The following CCNYL1 variants were observed in gnomAD, a reference collection of about 807,000 sequenced individuals.
The protein encoded by CCNYL1 is cyclin Y like 1.
Under a neutral mutation model 44.2 loss-of-function variants are expected in CCNYL1, and 16 were observed. That is an observed-to-expected ratio of 0.36 (90% CI 0.25 to 0.55). The LOEUF is 0.55. Among genes scored for constraint, CCNYL1 ranks in the 20% least tolerant of loss-of-function variants. The probability of loss-of-function intolerance (pLI) is 0.85; values close to 1 mark genes in which losing one functional copy is unlikely to be tolerated. For synonymous variants in CCNYL1, 159 were observed against 163.2 expected (o/e 0.97, Z 0.20); for missense variants, 348 against 451.8 (o/e 0.77, Z 2.08).
intron 3 of CCNYL1, among the ~76,000 whole-genome samples, chr2:207,728,611 G>T (rs2091698349): frequency 6.6e-6 from 1 of 152,004 alleles, no homozygotes; most frequent in African/African-American, 2.4e-5. Context: ...AAAATGCTAG[G>T]TTCACTCTAA....
chr2:207,747,246 C>G lies in CCNYL1; in HGVS notation c.806+33C>G, dbSNP rs757975174. Reference sequence around the variant, plus strand: ...TGTAAGGTTTTGGTGAACTTTCTAACCATTTTCCAGTATCTTATTCCTATA... The same window carrying G: ...TGTAAGGTTTTGGTGAACTTTCTAAGCATTTTCCAGTATCTTATTCCTATA... On this transcript the variant is annotated intron_variant, in intron 8 of 9. Transcript: ENST00000295414. 7 of 1,575,186 alleles carry G rather than the reference C, an allele frequency of 4.4e-6. No homozygotes were observed. In the African/African-American group the frequency reaches 9.5e-5, roughly 21 times the overall value.
At chr2:207,717,798 T>C (rs182501807) in intron 1 of CCNYL1, among the ~76,000 whole-genome samples, 1 of 152,188 alleles carries the variant, frequency 6.6e-6, no homozygotes, top group African/African-American at 2.4e-5. Context: ...ATGCCAGGAC[T>C]ATGGTGGGTT....
At chr2:207,747,313 C>A in intron 8 of CCNYL1, 100 bp downstream of exon 8, 2 of 1,021,266 alleles carry the variant, frequency 2.0e-6, no homozygotes, top group Non-Finnish European at 2.8e-6. Context: ...TTACATTATG[C>A]AGATAATGGA....
At chr2:207,736,713 C>G (rs1007033898) in intron 4 of CCNYL1, among the ~76,000 whole-genome samples, 1 of 152,010 alleles carries the variant, frequency 6.6e-6, no homozygotes, top group Admixed American at 6.6e-5. Flanking sequence ...ATTAAATCAA[C>G]TGAAATGCAG....
rs1239759849 is a variant in CCNYL1, at chr2:207,755,837, G to A, written c.*2139G>A. ...AAGAGGTTAGTGTTCTCAACTATGTGAAATCTGTTTCTCCTACTTTCTCAA... is the reference window on the plus strand; with the variant it reads ...AAGAGGTTAGTGTTCTCAACTATGTAAAATCTGTTTCTCCTACTTTCTCAA... On this transcript the variant is annotated 3_prime_UTR_variant, in exon 10 of 10. Transcript: ENST00000295414. 2.0e-5 allele frequency: 3 copies of A among 152,172 alleles called. No homozygotes were observed. Among genetic ancestry groups the A allele is most frequent in the Non-Finnish European group, 2.9e-5 (2 of 68,026 alleles). 9.4% of individuals were successfully genotyped at this position (152,172 alleles called of 1,614,324 possible).
At chr2:207,722,734 G>A (rs1320086221) in intron 1 of CCNYL1, among the ~76,000 whole-genome samples, 2 of 152,074 alleles carry the variant, frequency 1.3e-5, no homozygotes, top group Non-Finnish European at 2.9e-5. Context: ...GCCGAGGGGG[G>A]CAGATCACAA....
In CCNYL1 at chr2:207,740,700, A is replaced by G. The variant is rs2091802341; in HGVS notation, c.513A>G (p.Pro171=). Reference sequence around the variant, plus strand: ...ATATTTTTGATGAGAGATCACATCCACTTACAGTAAGTGTCACTTTTTTTG... The same window carrying G: ...ATATTTTTGATGAGAGATCACATCCGCTTACAGTAAGTGTCACTTTTTTTG... ...SLDIFDERSH[P]LTREKVPEEY... Residue 171 remains proline, a synonymous_variant, in exon 6 of 10, where the codon CCA becomes CCG. Coordinates refer to ENST00000295414, the MANE Select transcript of CCNYL1 (RefSeq NM_001330218.2). The G allele has an allele frequency of 6.2e-7, 1 of 1,600,336 alleles. No individual in the cohort carries two copies. Among genetic ancestry groups the G allele is most frequent in the Non-Finnish European group, 8.6e-7 (1 of 1,168,468 alleles).
At position 207,747,124 on chromosome 2, in the gene CCNYL1, C is replaced by A; in HGVS notation, c.717C>A (p.Ala239=). Reference sequence around the variant, plus strand: ...ACTGGAAAAGGATTGTTCTGGGAGCCATTCTTCTTGCCTCCAAGGTTTGGG... The same window carrying A: ...ACTGGAAAAGGATTGTTCTGGGAGCAATTCTTCTTGCCTCCAAGGTTTGGG... The part of the protein sequence containing the change: ...PTNWKRIVLG[A]ILLASKVWDD... The change falls in exon 8 of 10, where the codon GCC becomes GCA. Residue 239 remains alanine (A), a synonymous_variant. Coordinates refer to ENST00000295414, the MANE Select transcript of CCNYL1 (RefSeq NM_001330218.2). The A allele has an allele frequency of 6.2e-7, 1 of 1,614,112 alleles. No homozygotes were observed. The highest frequency in any genetic ancestry group is 1.1e-5 in the South Asian group (1 of 91,086).
At chr2:207,739,386 C>T (rs549956152) in intron 5 of CCNYL1, among the ~76,000 whole-genome samples, 2 of 152,282 alleles carry the variant, frequency 1.3e-5, no homozygotes, top group East Asian at 3.9e-4. Flanking sequence ...GCGCCTGTCA[C>T]CATGCCTGGC....
chr2:207,742,565 G>A (rs1340334984), intron 7 of CCNYL1, among the ~76,000 whole-genome samples: 1 of 152,110 alleles, frequency 6.6e-6, no homozygotes, highest in Non-Finnish European at 1.5e-5. Context: ...AAAGGCAGCC[G>A]GGGAGATTTC....
intron 3 of CCNYL1, among the ~76,000 whole-genome samples, chr2:207,732,190 A>G (rs929418911): frequency 1.3e-5 from 2 of 152,244 alleles, no homozygotes; most frequent in African/African-American, 4.8e-5. Context: ...AGACAATAAA[A>G]GTATATACAT....
intron 8 of CCNYL1, among the ~76,000 whole-genome samples, chr2:207,749,108 A>T (rs890816622): frequency 1.3e-5 from 2 of 152,172 alleles, no homozygotes; most frequent in Non-Finnish European, 2.9e-5. Context: ...GTTTCTACAG[A>T]TGTAAGCTTC....
chr2:207,737,910 C>G lies in CCNYL1; in HGVS notation c.467+464C>G, dbSNP rs372543011. On this transcript the variant is annotated intron_variant, in intron 5 of 9. Coordinates refer to ENST00000295414, the MANE Select transcript of CCNYL1 (RefSeq NM_001330218.2). Reference sequence around the variant, plus strand: ...GAAAAATAACTCTCTTCTACAACAACGAAGTTGAGTAAAATGTGTCATGTA... The same window carrying G: ...GAAAAATAACTCTCTTCTACAACAAGGAAGTTGAGTAAAATGTGTCATGTA... Among the ~76,000 whole-genome samples the G allele has an allele frequency of 6.6e-4, 101 of 152,068 alleles. 2 individuals carry two copies. In the South Asian group the frequency reaches 0.021, roughly 31 times the overall value.
intron 1 of CCNYL1, among the ~76,000 whole-genome samples, chr2:207,721,743 T>G (rs2091641911): frequency 1.3e-5 from 2 of 151,966 alleles, no homozygotes; most frequent in Non-Finnish European, 2.9e-5. Flanking sequence ...TGTTTTTTTT[T>G]TTTTTGTTTT....
Position 207,755,856 on chromosome 2 carries a change from T to C in CCNYL1, c.*2158T>C, listed in dbSNP as rs1256883904. The stretch of plus-strand genomic sequence containing the variant: ...CTATGTGAAATCTGTTTCTCCTACT[T>C]TCTCAAATCTAATCCTAGGAATCTT... On this transcript the variant is annotated 3_prime_UTR_variant, in exon 10 of 10. Transcript: ENST00000295414. The C allele has an allele frequency of 6.6e-6, 1 of 152,236 alleles. No homozygotes were observed. The highest frequency in any genetic ancestry group is 2.4e-5 in the African/African-American group (1 of 41,466). The allele number at this position is 152,236 out of a possible 1,614,324, so 9.4% of individuals were successfully genotyped here.
intron 1 of CCNYL1, among the ~76,000 whole-genome samples, chr2:207,721,265 A>G (rs1023680556): frequency 7.2e-5 from 11 of 152,072 alleles, no homozygotes; most frequent in Non-Finnish European, 1.5e-4. Context: ...GTTGAACTCA[A>G]TCTCTTTCTC....
chr2:207,745,307 A>G (rs2091846850), intron 7 of CCNYL1, among the ~76,000 whole-genome samples: 1 of 152,196 alleles, frequency 6.6e-6, no homozygotes, highest in African/African-American at 2.4e-5. Context: ...GAGGGGATCA[A>G]CTGCACTGAT....
intron 3 of CCNYL1, among the ~76,000 whole-genome samples, chr2:207,730,585 C>G (rs1471431798): frequency 6.6e-6 from 1 of 151,932 alleles, no homozygotes; most frequent in Non-Finnish European, 1.5e-5. Context: ...TGTTGAAACT[C>G]CGTTTCTACT....
chr2:207,723,330 C>T (rs2663896), intron 1 of CCNYL1, among the ~76,000 whole-genome samples: 23,647 of 152,092 alleles, frequency 0.16, 3,034 homozygotes, highest in East Asian at 0.38. Context: ...GAAAAGGATT[C>T]TAGGTAGATA....
Sources: allele counts gnomAD v4.1 joint callset (sites outside exome capture counted in the v4.1 genomes callset), GRCh38; gene constraint gnomAD v4.1.1; transcripts MANE v1.5; gene names NCBI Gene and HGNC (gene_info 2026-07-23, HGNC 2026-07-21).